The following SPSB4 variants were observed in gnomAD, a reference collection of about 807,000 sequenced individuals.
SPSB4 encodes SPRY domain-containing SOCS box protein 4.
Under a neutral mutation model 20.9 loss-of-function variants are expected in SPSB4, and 21 were observed. That is an observed-to-expected ratio of 1.01 (90% CI 0.71 to 1.45). SPSB4 has a LOEUF of 1.45. SPSB4 is among the 40% of genes most tolerant of loss of function. The pLI, the probability that SPSB4 is intolerant of heterozygous loss-of-function variation, is 0.00. For synonymous variants in SPSB4, 207 were observed against 183.8 expected (o/e 1.13, Z -1.02); for missense variants, 399 against 399.2 (o/e 1.00, Z 0.00).
At chr3:141,125,747 T>C (rs1353887256) in intron 2 of SPSB4, among the ~76,000 whole-genome samples, 1 of 152,218 alleles carries the variant, frequency 6.6e-6, no homozygotes, top group African/African-American at 2.4e-5. Flanking sequence ...AGGGAAGGGT[T>C]GCAATTCAGC....
chr3:141,074,220 T>G (rs1209542463), intron 2 of SPSB4, among the ~76,000 whole-genome samples: 2 of 152,202 alleles, frequency 1.3e-5, no homozygotes, highest in African/African-American at 2.4e-5. Flanking sequence ...ACAAGTCATT[T>G]CATGCCCAAG....
Position 141,147,147 on chromosome 3 carries a change from C to T in SPSB4, c.700C>T (p.Pro234Ser), listed in dbSNP as rs374845045. Residue 234 changes from proline to serine, a missense_variant, in exon 3 of 3, where the codon CCC (proline) becomes TCC (serine). Transcript: ENST00000310546. ...MRYINGLDPE[P>S]LPLMDLCRRS... ...CTGCTTCCCTCTCATTGCAGCCGAGCCCCTGCCACTGATGGACCTGTGCCG... is the reference window on the plus strand; with the variant it reads ...CTGCTTCCCTCTCATTGCAGCCGAGTCCCTGCCACTGATGGACCTGTGCCG... 5 of 1,614,068 alleles carry T rather than the reference C, an allele frequency of 3.1e-6. No homozygotes were observed. Among genetic ancestry groups the T allele is most frequent in the Non-Finnish European group, 3.4e-6 (4 of 1,180,024 alleles).
intron 1 of SPSB4, among the ~76,000 whole-genome samples, chr3:141,054,736 C>CG (rs1395419699): frequency 6.6e-6 from 1 of 152,152 alleles, no homozygotes; most frequent in African/African-American, 2.4e-5. Flanking sequence ...GAGGCCGAGG[C>CG]GGGGGGATCG....
At chr3:141,060,985 G>T (rs1183733138) in intron 1 of SPSB4, among the ~76,000 whole-genome samples, 1 of 152,120 alleles carries the variant, frequency 6.6e-6, no homozygotes, top group Non-Finnish European at 1.5e-5. Context: ...GGTAATTTGT[G>T]TTGCAAATTT....
At chr3:141,074,065 G>T (rs540270023) in intron 2 of SPSB4, among the ~76,000 whole-genome samples, 1 of 152,324 alleles carries the variant, frequency 6.6e-6, no homozygotes, top group Admixed American at 6.5e-5. Context: ...TGAAATGCAG[G>T]TGACAGCATT....
chr3:141,121,503 G>A (rs1938965674), intron 2 of SPSB4, among the ~76,000 whole-genome samples: 1 of 152,224 alleles, frequency 6.6e-6, no homozygotes. Context: ...ACCCTGAAGA[G>A]TGTTTTCTAA....
chr3:141,105,538 T>G (rs1044870534), intron 2 of SPSB4, among the ~76,000 whole-genome samples: 1 of 152,236 alleles, frequency 6.6e-6, no homozygotes, highest in African/African-American at 2.4e-5. Context: ...CCCCCGAGGA[T>G]GCAGCAGCCC....
chr3:141,107,397 A>G (rs751035981), intron 2 of SPSB4, among the ~76,000 whole-genome samples: 21 of 149,396 alleles, frequency 1.4e-4, no homozygotes, highest in Non-Finnish European at 2.2e-4. Context: ...AAAAAAATAA[A>G]TAAGACGAGA....
At chr3:141,128,521 G>A (rs1939085332) in intron 2 of SPSB4, among the ~76,000 whole-genome samples, 1 of 152,078 alleles carries the variant, frequency 6.6e-6, no homozygotes, top group Non-Finnish European at 1.5e-5. Flanking sequence ...TGGCAGAGGA[G>A]CCAGGAGGGG....
At chr3:141,134,055 T>TTTTTTTTTTTTTTTTTTTTA (rs1939184901) in intron 2 of SPSB4, among the ~76,000 whole-genome samples, 1 of 129,594 alleles carries the variant, frequency 7.7e-6, no homozygotes, top group African/African-American at 3.1e-5. Context: ...TTTTCTTTTT[T>TTTTTTTTTTTTTTTTTTTTA]CTTTTTTTTT....
intron 2 of SPSB4, among the ~76,000 whole-genome samples, chr3:141,099,107 T>G (rs1938581856): frequency 6.6e-6 from 1 of 152,128 alleles, no homozygotes; most frequent in Non-Finnish European, 1.5e-5. Flanking sequence ...TCCCATCTCT[T>G]AATACTGTTA....
At chr3:141,143,685 C>G (rs959526398) in intron 2 of SPSB4, among the ~76,000 whole-genome samples, 8 of 152,242 alleles carry the variant, frequency 5.3e-5, no homozygotes, top group African/African-American at 1.9e-4. Flanking sequence ...TCCTGTTTCT[C>G]CTTCCTTGGA....
At chr3:141,052,165 C>T (rs1192607850) in intron 1 of SPSB4, among the ~76,000 whole-genome samples, 173 bp downstream of exon 1, 1 of 152,202 alleles carries the variant, frequency 6.6e-6, no homozygotes, top group Non-Finnish European at 1.5e-5. Context: ...TTGCGCGCAG[C>T]CCTGGGGCGT....
rs565231409 is a variant in SPSB4 at position 141,088,085 on chromosome 3, G to A, written c.694+21287G>A. Among the ~76,000 whole-genome samples the A allele has an allele frequency of 3.5e-4, 54 of 152,214 alleles. No individual in the cohort carries two copies. In the Middle Eastern group the frequency reaches 0.02, roughly 58 times the overall value. On this transcript the variant is annotated intron_variant, in intron 2 of 2. Coordinates refer to ENST00000310546, the MANE Select transcript of SPSB4 (RefSeq NM_080862.3). Reference sequence around the variant, plus strand: ...GTGGGGTGGGGAATGGCCCAAGGGGGTCTCTCTGCTCTCTGAGTTCCATCT... The same window carrying A: ...GTGGGGTGGGGAATGGCCCAAGGGGATCTCTCTGCTCTCTGAGTTCCATCT...
intron 2 of SPSB4, among the ~76,000 whole-genome samples, chr3:141,071,961 G>C (rs1261481009): frequency 6.6e-6 from 1 of 152,262 alleles, no homozygotes; most frequent in East Asian, 1.9e-4. Flanking sequence ...CAAGGACACT[G>C]TCTCCTTGCC....
At chr3:141,086,205 G>T (rs1307646074) in intron 2 of SPSB4, among the ~76,000 whole-genome samples, 1 of 152,238 alleles carries the variant, frequency 6.6e-6, no homozygotes, top group East Asian at 1.9e-4. Flanking sequence ...GTGTGTCACA[G>T]CCCAGGGTTT....
At chr3:141,063,866 T>G (rs1341694452) in intron 1 of SPSB4, among the ~76,000 whole-genome samples, 2 of 152,240 alleles carry the variant, frequency 1.3e-5, no homozygotes, top group African/African-American at 4.8e-5. Context: ...TTCACAGGGT[T>G]GTTGTAGTGA....
chr3:141,138,375 A>C (rs1939264348), intron 2 of SPSB4, among the ~76,000 whole-genome samples: 2 of 152,116 alleles, frequency 1.3e-5, no homozygotes, highest in African/African-American at 4.8e-5. Flanking sequence ...GCCTTCTGCT[A>C]GCTTTTGAAT....
intron 2 of SPSB4, chr3:141,132,134 C>A: frequency 7.6e-6 from 3 of 396,890 alleles, no homozygotes; most frequent in African/African-American, 2.2e-5. Context: ...CAACCCCCTC[C>A]CACCCTTTCC....
Sources: allele counts gnomAD v4.1 joint callset (sites outside exome capture counted in the v4.1 genomes callset), GRCh38; gene constraint gnomAD v4.1.1; transcripts MANE v1.5; gene names NCBI Gene and HGNC (gene_info 2026-07-23, HGNC 2026-07-21).